XKR6: variants seen among roughly 807,000 people sequenced by gnomAD.
XKR6 encodes the protein XK-related protein 6.
In XKR6, 22 loss-of-function variants were observed where a neutral mutation model predicts 56.7. That is an observed-to-expected ratio of 0.39 (90% confidence interval 0.28 to 0.55). XKR6 has a LOEUF of 0.55. Among genes scored for constraint, XKR6 ranks in the 20% least tolerant of loss-of-function variants. The pLI is 0.66. For missense variants in XKR6, 852 were observed against 889.0 expected (o/e 0.96, Z 0.53); for synonymous variants, 524 against 387.8 (o/e 1.35, Z -4.13).
chr8:11,053,527 G>T (rs769215524), intron 1 of XKR6, among the ~76,000 whole-genome samples: 2 of 152,214 alleles, frequency 1.3e-5, no homozygotes, highest in Non-Finnish European at 2.9e-5. Flanking sequence ...CGGCATCCCT[G>T]CAGGTCTTGG....
At chr8:10,951,157 C>G (rs1348015773) in intron 1 of XKR6, among the ~76,000 whole-genome samples, 1 of 152,208 alleles carries the variant, frequency 6.6e-6, no homozygotes, top group Non-Finnish European at 1.5e-5. Flanking sequence ...GCCACAGCAC[C>G]CCAGGTCCCT....
chr8:11,083,909 T>C (rs1352660137), intron 1 of XKR6, among the ~76,000 whole-genome samples: 3 of 152,138 alleles, frequency 2.0e-5, no homozygotes, highest in Non-Finnish European at 4.4e-5. Flanking sequence ...AGACAGATTG[T>C]AAGTTTGCTG....
intron 1 of XKR6, among the ~76,000 whole-genome samples, chr8:11,071,777 G>T (rs1216791638): frequency 6.6e-6 from 1 of 152,122 alleles, no homozygotes; most frequent in Non-Finnish European, 1.5e-5. Flanking sequence ...GGTCAGGCTG[G>T]GACCCAAGAA....
chr8:11,070,762 T>C (rs1800093980), intron 1 of XKR6, among the ~76,000 whole-genome samples: 1 of 152,236 alleles, frequency 6.6e-6, no homozygotes, highest in African/African-American at 2.4e-5. Flanking sequence ...TAGAAAAGGC[T>C]TCCTAATTTA....
In XKR6 at chr8:11,200,328, G is replaced by A. The variant is rs1013194598; in HGVS notation, c.764+248C>T. Among the ~76,000 whole-genome samples the A allele has an allele frequency of 6.6e-6, 1 of 152,232 alleles. No individual in the cohort carries two copies. Among genetic ancestry groups the A allele is most frequent in the Non-Finnish European group, 1.5e-5 (1 of 68,026 alleles). On this transcript the variant is annotated intron_variant, in intron 1 of 2. Coordinates refer to ENST00000416569, the MANE Select transcript of XKR6 (RefSeq NM_173683.4). The surrounding 1 kb of genome is among the most constrained non-coding windows in gnomAD (Gnocchi z 6.4). ...GGACGGGGAGGGCAGGTTGGGGCAA[G>A]AGCCCCGCCGAGTGCGAAGCGGGGA... is the stretch of plus-strand genomic sequence containing the variant.
chr8:11,002,830 T>C (rs938551750), intron 1 of XKR6, among the ~76,000 whole-genome samples: 3 of 152,222 alleles, frequency 2.0e-5, no homozygotes, highest in Non-Finnish European at 4.4e-5. Context: ...CAGGTGCTGA[T>C]GTTTATTCCA....
Position 10,942,430 on chromosome 8 carries a change from A to G in XKR6, c.765-17600T>C, listed in dbSNP as rs1372929781. ...CAGCCAGCCTGGATTGCTGTGGGCG[A>G]GGTCTCTTGCCTGTGCTTCCCCTCC... On this transcript the variant is annotated intron_variant, in intron 1 of 2. Transcript: ENST00000416569. Among the ~76,000 whole-genome samples the G allele has an allele frequency of 2.6e-5, 4 of 152,324 alleles. No individual in the cohort carries two copies. The South Asian group carries it at 6.2e-4, about 24-fold the overall frequency.
intron 1 of XKR6, among the ~76,000 whole-genome samples, chr8:11,046,642 A>G (rs1276748430): frequency 3.9e-5 from 6 of 152,236 alleles, no homozygotes; most frequent in Non-Finnish European, 2.9e-5. Flanking sequence ...ATGCTACAAC[A>G]TGATAAACCT....
intron 1 of XKR6, among the ~76,000 whole-genome samples, chr8:10,927,074 T>C (rs184605682): frequency 1.4e-3 from 218 of 152,254 alleles, no homozygotes; most frequent in African/African-American, 4.8e-3. Context: ...GAAGAGATGA[T>C]GGCAGCAAGA....
In XKR6 at chr8:11,200,765, C is replaced by A; in HGVS notation, c.575G>T (p.Gly192Val). 1 of 1,601,240 alleles carries A rather than the reference C, an allele frequency of 6.2e-7. No individual in the cohort carries two copies. The highest frequency in any genetic ancestry group is 8.5e-7 in the Non-Finnish European group (1 of 1,175,448). The stretch of plus-strand genomic sequence containing the variant: ...GGTGAGCCCCTCCACGGCGCCCAGC[C>A]CGCCGCCCGTGTAGTCCTGCACGAA... ...RWFVQDYTGG[G>V]LGAVEGLTSR... The change falls in exon 1 of 3, where the codon GGG (glycine) becomes GTG (valine). Residue 192 changes from glycine (G) to valine (V), a missense_variant. This residue lies in a region of XKR6 where 417 missense variants were observed against 355.2 expected (regional missense o/e 1.17). Transcript: ENST00000416569. The surrounding 1 kb of genome is among the most constrained non-coding windows in gnomAD (Gnocchi z 6.4).
chr8:11,001,176 C>G (rs1264397551), intron 1 of XKR6, among the ~76,000 whole-genome samples: 1 of 152,222 alleles, frequency 6.6e-6, no homozygotes, highest in South Asian at 2.1e-4. Context: ...AAATTTTCTC[C>G]TCCTACTCAA....
At chr8:10,979,404 G>A (rs1035102942) in intron 1 of XKR6, among the ~76,000 whole-genome samples, 7 of 152,028 alleles carry the variant, frequency 4.6e-5, no homozygotes, top group African/African-American at 7.2e-5. Flanking sequence ...CAGCCAGCAC[G>A]TTCCTGGTTC....
Position 10,898,216 on chromosome 8 carries a change from G to A in XKR6, c.1662C>T (p.Leu554=), listed in dbSNP as rs183318725. ...TRAVTEQQED[L]TADTCLPVFQ... ...AAACAGGCAAGCAAGTGTCAGCCGTGAGATCCTCCTGTTGTTCCGTTACGG... is the reference window on the plus strand; with the variant it reads ...AAACAGGCAAGCAAGTGTCAGCCGTAAGATCCTCCTGTTGTTCCGTTACGG... The change falls in exon 3 of 3, where the codon CTC becomes CTT. Residue 554 remains leucine, a synonymous_variant. Transcript: ENST00000416569. This position sits in a 1 kb window ranked among gnomAD's most constrained non-coding sequence, Gnocchi z 6.6. The A allele has an allele frequency of 8.1e-6, 13 of 1,614,182 alleles. No homozygotes were observed. The East Asian group carries it at 2.0e-4, about 25-fold the overall frequency.
At chr8:11,094,030 C>T (rs1215278131) in intron 1 of XKR6, among the ~76,000 whole-genome samples, 1 of 149,840 alleles carries the variant, frequency 6.7e-6, no homozygotes, top group Non-Finnish European at 1.5e-5. Context: ...ATGATCCACC[C>T]GCCTCGGCCT....
At chr8:10,978,841 GTGGCCACCGTGGCCTGTGGGCA>G (rs1347631310) in intron 1 of XKR6, among the ~76,000 whole-genome samples, 2 of 152,164 alleles carry the variant, frequency 1.3e-5, no homozygotes, top group Non-Finnish European at 1.5e-5. Flanking sequence ...GGAAACTTCA[GTGGCCACCGTGGCCTGTGGGCA>G]GGGCCACATT....
intron 1 of XKR6, among the ~76,000 whole-genome samples, chr8:11,173,894 G>A (rs371798586): frequency 2.6e-5 from 4 of 152,074 alleles, no homozygotes; most frequent in South Asian, 2.1e-4. Flanking sequence ...GTTATTAGAC[G>A]GGACACAGTG....
intron 1 of XKR6, among the ~76,000 whole-genome samples, chr8:11,017,702 G>A (rs1011545678): frequency 1.3e-5 from 2 of 152,198 alleles, no homozygotes; most frequent in African/African-American, 2.4e-5. Context: ...TGGGAAACAC[G>A]AGAGGGGCAG....
intron 1 of XKR6, among the ~76,000 whole-genome samples, chr8:10,980,901 G>C (rs1490899280): frequency 1.3e-5 from 2 of 152,102 alleles, no homozygotes; most frequent in Non-Finnish European, 2.9e-5. Flanking sequence ...TATAGATCAT[G>C]ACTGATGGGC....
intron 1 of XKR6, among the ~76,000 whole-genome samples, chr8:11,029,452 C>A (rs1466376111): frequency 2.6e-5 from 4 of 152,138 alleles, no homozygotes; most frequent in Admixed American, 6.5e-5. Context: ...GAGGATGTAG[C>A]CCCCATGATG....
Sources: allele counts gnomAD v4.1 joint callset (sites outside exome capture counted in the v4.1 genomes callset), GRCh38; gene constraint gnomAD v4.1.1; regional missense constraint gnomAD v4.1.1; non-coding constraint Gnocchi (gnomAD v3.1); transcripts MANE v1.5; gene names NCBI Gene and HGNC (gene_info 2026-07-23, HGNC 2026-07-21).